Variants in PDE11A observed in about 807,000 individuals in gnomAD.
PDE11A encodes the protein phosphodiesterase 11A.
In PDE11A, 100 loss-of-function variants were observed where a neutral mutation model predicts 100.5. The ratio of observed to expected loss-of-function variants is 1.00; its 90% CI spans 0.85 to 1.18. The LOEUF is 1.18. PDE11A is among the 50% of genes most tolerant of loss of function. The probability of loss-of-function intolerance (pLI) is 0.00; values close to 1 mark genes in which losing one functional copy is unlikely to be tolerated. For synonymous variants in PDE11A, 381 were observed against 420.8 expected (o/e 0.91, Z 1.16); for missense variants, 1,141 against 1,152.6 (o/e 0.99, Z 0.15).
At chr2:177,673,828 G>A (rs1178111304) in intron 17 of PDE11A, among the ~76,000 whole-genome samples, 1 of 152,150 alleles carries the variant, frequency 6.6e-6, no homozygotes, top group Admixed American at 6.5e-5. Flanking sequence ...GTGGGGTCAT[G>A]TGACAAGTTC....
rs567875649 is a variant in PDE11A at position 177,626,366 on chromosome 2, G to A, written c.*3041C>T. The stretch of plus-strand genomic sequence containing the variant: ...GGCTATTTATTTATTTATTGTTGGG[G>A]AGGATAACAGATGTGGGCTCATCTC... On this transcript the variant is annotated 3_prime_UTR_variant, in exon 20 of 20. Coordinates refer to ENST00000286063, the MANE Select transcript of PDE11A (RefSeq NM_016953.4). 6.5e-6 allele frequency: 1 copy of A among 152,706 alleles called. No individual in the cohort carries two copies. The highest frequency in any genetic ancestry group is 1.9e-4 in the East Asian group (1 of 5,184). The allele number at this position is 152,706 out of a possible 1,614,324, so 9.5% of individuals were successfully genotyped here. A position where few individuals can be genotyped will look rare whatever the true frequency, so the allele number is the denominator to read the frequency against.
At chr2:178,053,850 G>A (rs1390307398) in intron 1 of PDE11A, among the ~76,000 whole-genome samples, 1 of 152,048 alleles carries the variant, frequency 6.6e-6, no homozygotes, top group Admixed American at 6.6e-5. Flanking sequence ...CCACTGCTCA[G>A]GAAAGAAGAG....
At chr2:177,842,601 T>A (rs138403526) in intron 5 of PDE11A, among the ~76,000 whole-genome samples, 51 of 152,284 alleles carry the variant, frequency 3.3e-4, no homozygotes, top group African/African-American at 1.2e-3. Flanking sequence ...TTTAGAAAGC[T>A]TAATCCAGGT....
chr2:177,845,695 GT>G (rs1431350064), intron 5 of PDE11A, among the ~76,000 whole-genome samples: 1 of 152,094 alleles, frequency 6.6e-6, no homozygotes, highest in Non-Finnish European at 1.5e-5. Flanking sequence ...GGAGGTGGAG[GT>G]TGTAGCAAGC....
At chr2:177,726,932 T>C (rs1055835200) in intron 12 of PDE11A, among the ~76,000 whole-genome samples, 10 of 152,030 alleles carry the variant, frequency 6.6e-5, no homozygotes, top group African/African-American at 2.4e-4. Flanking sequence ...CCAGAAAACA[T>C]TGTACTTGAT....
intron 10 of PDE11A, among the ~76,000 whole-genome samples, chr2:177,733,940 T>C (rs900895702): frequency 2.0e-5 from 3 of 152,204 alleles, no homozygotes; most frequent in African/African-American, 4.8e-5. Context: ...AAATTTGCAG[T>C]GTGATTGTCA....
At chr2:177,834,729 G>A (rs896987928) in intron 6 of PDE11A, among the ~76,000 whole-genome samples, 7 of 152,220 alleles carry the variant, frequency 4.6e-5, no homozygotes, top group Non-Finnish European at 1.0e-4. Context: ...ATAAGAATAA[G>A]AGGTTTCTCC....
chr2:177,959,712 G>A (rs894421806), intron 2 of PDE11A, among the ~76,000 whole-genome samples: 1 of 152,132 alleles, frequency 6.6e-6, no homozygotes, highest in African/African-American at 2.4e-5. Context: ...AGGTTGCAAA[G>A]AGGCCTAAAA....
At chr2:177,849,225 G>T (rs1482787074) in intron 5 of PDE11A, among the ~76,000 whole-genome samples, 1 of 152,180 alleles carries the variant, frequency 6.6e-6, no homozygotes, top group Non-Finnish European at 1.5e-5. Flanking sequence ...ACAGAAAGGG[G>T]TATGGGCAGA....
chr2:177,947,023 G>GC (rs1320557017), intron 2 of PDE11A, among the ~76,000 whole-genome samples: 184 of 71,426 alleles, frequency 2.6e-3, no homozygotes, highest in South Asian at 4.0e-3. Context: ...GGGGGGGTCA[G>GC]CCCCCCGCCC....
intron 19 of PDE11A, among the ~76,000 whole-genome samples, chr2:177,644,538 T>C (rs1212733556): frequency 1.3e-5 from 2 of 152,264 alleles, no homozygotes; most frequent in Admixed American, 1.3e-4. Flanking sequence ...TTGATTTTAC[T>C]GGCTCATAGG....
intron 4 of PDE11A, among the ~76,000 whole-genome samples, chr2:177,877,907 G>T (rs573234798): frequency 6.6e-5 from 10 of 152,152 alleles, no homozygotes; most frequent in Admixed American, 5.2e-4. Context: ...TTAGCCGTAC[G>T]CAGTCATGCT....
chr2:178,033,089 A>T (rs544889133), intron 1 of PDE11A, among the ~76,000 whole-genome samples: 2 of 152,362 alleles, frequency 1.3e-5, no homozygotes, highest in South Asian at 4.1e-4. Flanking sequence ...AGTGGGTAAT[A>T]ACAAACTCTT....
chr2:177,861,285 C>T (rs537369217), intron 5 of PDE11A, among the ~76,000 whole-genome samples: 1 of 151,674 alleles, frequency 6.6e-6, no homozygotes, highest in South Asian at 2.1e-4. Context: ...TTTCTACACA[C>T]TAACATTGAA....
At chr2:178,001,160 T>C (rs1316932145) in intron 2 of PDE11A, among the ~76,000 whole-genome samples, 1 of 152,168 alleles carries the variant, frequency 6.6e-6, no homozygotes, top group East Asian at 1.9e-4. Context: ...CAGAGTACAC[T>C]CTTAAATGTT....
chr2:177,704,410 A>C (rs2081248343), intron 13 of PDE11A, among the ~76,000 whole-genome samples: 1 of 151,728 alleles, frequency 6.6e-6, no homozygotes, highest in Non-Finnish European at 1.5e-5. Flanking sequence ...CCTTATTTAC[A>C]CTATTAGATT....
intron 2 of PDE11A, among the ~76,000 whole-genome samples, chr2:177,915,258 C>A (rs10168605): frequency 0.086 from 13,072 of 152,186 alleles, 533 homozygotes; most frequent in South Asian, 0.1. Flanking sequence ...ACACATTATT[C>A]GGATTTTGAC....
chr2:177,947,799 A>AT (rs138646146), intron 2 of PDE11A, among the ~76,000 whole-genome samples: 12 of 149,704 alleles, frequency 8.0e-5, no homozygotes, highest in South Asian at 4.2e-4. Flanking sequence ...AAAATAAAAA[A>AT]AAAATAAAAT....
intron 2 of PDE11A, among the ~76,000 whole-genome samples, chr2:177,951,286 T>C (rs1243739363): frequency 1.3e-5 from 2 of 152,240 alleles, no homozygotes; most frequent in Non-Finnish European, 2.9e-5. Context: ...CCTGGCTAAG[T>C]ACATGAGGCT....
Sources: gnomAD v4.1 joint callset for allele counts (sites outside exome capture counted in the v4.1 genomes callset) on GRCh38, gnomAD v4.1.1 for gene constraint, MANE v1.5 for transcripts, NCBI Gene and HGNC (gene_info 2026-07-23, HGNC 2026-07-21) for gene names.